Variants in NCAM2 observed in about 807,000 individuals in gnomAD.
NCAM2 encodes neural cell adhesion molecule 2, also known as N-CAM-2.
A neutral mutation model predicts 98.1 loss-of-function variants in NCAM2; 30 were observed. The observed-to-expected ratio is 0.31, with a 90% CI of 0.23 to 0.41. The LOEUF (loss-of-function observed/expected upper bound fraction) is 0.41, where lower values mean the gene tolerates loss of function less well. Ranked by LOEUF, NCAM2 falls within the 10% of genes least tolerant of loss-of-function variation. NCAM2 has a pLI of 1.00. For missense variants in NCAM2, 867 were observed against 1,005.8 expected (o/e 0.86, Z 1.87); for synonymous variants, 368 against 342.4 (o/e 1.07, Z -0.83).
In NCAM2 at chr21:21,142,018, T is replaced by C. The variant is rs59463975; in HGVS notation, c.56-138560T>C. On this transcript the variant is annotated intron_variant, in intron 1 of 17. Coordinates refer to ENST00000400546, the MANE Select transcript of NCAM2 (RefSeq NM_004540.5). ...TAAGTAGAAAGTTCATCTGAGTGTT[T>C]TAATTCAAATTCAGCCTTTAAGGGA... Among the ~76,000 whole-genome samples the C allele has an allele frequency of 2.3e-3, 345 of 152,342 alleles. 1 individual carries two copies. Among genetic ancestry groups the C allele is most frequent in the African/African-American group, 7.9e-3 (329 of 41,580 alleles).
At chr21:21,443,425 T>A (rs967427068) in intron 12 of NCAM2, among the ~76,000 whole-genome samples, 6 of 64,470 alleles carry the variant, frequency 9.3e-5, no homozygotes, top group African/African-American at 3.5e-4. Context: ...AAAAGTATAA[T>A]TTTTTTTTTC....
intron 1 of NCAM2, among the ~76,000 whole-genome samples, chr21:21,138,215 C>G (rs1325177848): frequency 6.6e-6 from 1 of 152,120 alleles, no homozygotes; most frequent in African/African-American, 2.4e-5. Context: ...GATTGTAAGG[C>G]TGAAGGTGGA....
At chr21:21,293,466 C>T (rs1414244129) in intron 5 of NCAM2, among the ~76,000 whole-genome samples, 1 of 151,712 alleles carries the variant, frequency 6.6e-6, no homozygotes, top group Admixed American at 6.6e-5. Flanking sequence ...CACCCCTTCC[C>T]TAAGCATTCT....
rs914169636 is a variant in NCAM2 at position 21,477,314 on chromosome 21, A to G, written c.1920A>G (p.Leu640=). 7 of 1,600,748 alleles carry G rather than the reference A, an allele frequency of 4.4e-6. No individual in the cohort carries two copies. The highest frequency in any genetic ancestry group is 5.1e-6 in the Non-Finnish European group (6 of 1,171,978). Residue 640 remains leucine (L), a synonymous_variant, in exon 15 of 18, where the codon CTA becomes CTG. Transcript: ENST00000400546. ...AGAAAGATAAGGAAGACCAATGGCT[A>G]GAGAAAAAAGTGCAAGGAAATAAAG... The part of the protein sequence containing the change: ...YRSKDKEDQW[L]EKKVQGNKDH...
chr21:21,356,309 G>A (rs1460575532), intron 8 of NCAM2, among the ~76,000 whole-genome samples: 1 of 151,626 alleles, frequency 6.6e-6, no homozygotes, highest in Non-Finnish European at 1.5e-5. Flanking sequence ...ATATTTTATT[G>A]CAATTTAATA....
At chr21:21,248,869 A>G (rs1173434651) in intron 1 of NCAM2, among the ~76,000 whole-genome samples, 2 of 148,618 alleles carry the variant, frequency 1.3e-5, no homozygotes, top group East Asian at 2.1e-4. Context: ...CATTAAGGGC[A>G]TAGACTGATT....
At chr21:21,322,989 G>A (rs232463) in intron 5 of NCAM2, among the ~76,000 whole-genome samples, 29,834 of 152,012 alleles carry the variant, frequency 0.2, 3,113 homozygotes, top group Middle Eastern at 0.31. Context: ...TTTCCAGGAA[G>A]CGTTGACTAC....
intron 1 of NCAM2, among the ~76,000 whole-genome samples, chr21:21,020,295 C>A (rs945079829): frequency 6.6e-6 from 1 of 152,172 alleles, no homozygotes; most frequent in Non-Finnish European, 1.5e-5. Flanking sequence ...CTCGGCCTCC[C>A]AAAGAGCTGG....
intron 1 of NCAM2, among the ~76,000 whole-genome samples, chr21:21,025,111 A>C (rs2078288674): frequency 6.6e-6 from 1 of 150,740 alleles, no homozygotes; most frequent in African/African-American, 2.4e-5. Flanking sequence ...TTTGAGATGG[A>C]GTCTCGCACT....
At chr21:21,379,690 C>T (rs1370303223) in intron 9 of NCAM2, among the ~76,000 whole-genome samples, 3 of 151,720 alleles carry the variant, frequency 2.0e-5, no homozygotes, top group South Asian at 4.2e-4. Context: ...GGTGAATAGA[C>T]GATTTTACTT....
chr21:21,397,255 T>C (rs1013874777), intron 9 of NCAM2, among the ~76,000 whole-genome samples: 1 of 152,114 alleles, frequency 6.6e-6, no homozygotes, highest in East Asian at 1.9e-4. Context: ...CACCCAGAAC[T>C]TATAGCCCTA....
intron 1 of NCAM2, among the ~76,000 whole-genome samples, chr21:21,123,549 T>C (rs573197832): frequency 6.6e-6 from 1 of 152,312 alleles, no homozygotes; most frequent in South Asian, 2.1e-4. Context: ...TGTAACACAC[T>C]GGTTCCCGAG....
At chr21:21,131,112 T>G (rs533798506) in intron 1 of NCAM2, among the ~76,000 whole-genome samples, 2 of 152,296 alleles carry the variant, frequency 1.3e-5, no homozygotes, top group South Asian at 4.1e-4. Context: ...CATCTAAATA[T>G]GTCAAGGTGT....
chr21:21,407,683 A>G (rs1195428661), intron 9 of NCAM2, among the ~76,000 whole-genome samples: 2 of 152,194 alleles, frequency 1.3e-5, no homozygotes, highest in African/African-American at 4.8e-5. Context: ...GTTATATTTT[A>G]CATACCTTAA....
At position 21,005,861 on chromosome 21, in the gene NCAM2, A is replaced by G. The variant is rs78086494; in HGVS notation, c.55+7243A>G. On this transcript the variant is annotated intron_variant, in intron 1 of 17. Transcript: ENST00000400546. ...TGAAAAAAGATTTTTGGTATTGAAT[A>G]TATAAAATTTTAACATTTTTCTATT... 4.0e-3 allele frequency among the ~76,000 whole-genome samples: 609 copies of G among 152,122 alleles called. 5 individuals carry two copies. The highest frequency in any genetic ancestry group is 0.014 in the African/African-American group (576 of 41,546).
chr21:21,433,193 A>C (rs2077381932), intron 12 of NCAM2, among the ~76,000 whole-genome samples: 1 of 152,176 alleles, frequency 6.6e-6, no homozygotes, highest in Non-Finnish European at 1.5e-5. Context: ...AGAAACATTA[A>C]TCAGTCATCT....
intron 8 of NCAM2, among the ~76,000 whole-genome samples, chr21:21,357,282 A>G (rs1053329766): frequency 3.9e-5 from 6 of 152,078 alleles, no homozygotes; most frequent in Non-Finnish European, 7.4e-5. Context: ...AAACTCTATC[A>G]CCAAAATATC....
chr21:21,188,351 G>A (rs1021072859), intron 1 of NCAM2, among the ~76,000 whole-genome samples: 12 of 152,070 alleles, frequency 7.9e-5, no homozygotes, highest in African/African-American at 1.2e-4. Context: ...AAATTTGGAG[G>A]TATTGTTTTT....
rs187034088 is a variant in NCAM2, at chr21:21,079,503, A to G, written c.55+80885A>G. Among the ~76,000 whole-genome samples the G allele has an allele frequency of 3.9e-3, 589 of 152,272 alleles. 4 individuals carry two copies. Among genetic ancestry groups the G allele is most frequent in the Non-Finnish European group, 5.7e-3 (385 of 68,004 alleles). On this transcript the variant is annotated intron_variant, in intron 1 of 17. Transcript: ENST00000400546. ...ATAAAATATTTTAAAGGGGTAAACA[A>G]TGTATTACAGTAATTGGTAAGGAAA...
Sources: gnomAD v4.1 joint callset for allele counts (sites outside exome capture counted in the v4.1 genomes callset) on GRCh38, gnomAD v4.1.1 for gene constraint, MANE v1.5 for transcripts, NCBI Gene and HGNC (gene_info 2026-07-23, HGNC 2026-07-21) for gene names.